The following SORT1 variants were observed in gnomAD, a reference collection of about 807,000 sequenced individuals.
The protein encoded by SORT1 is sortilin.
A neutral mutation model predicts 101.7 loss-of-function variants in SORT1; 39 were observed. That is an observed-to-expected ratio of 0.38 (90% CI 0.30 to 0.50). SORT1 has a LOEUF of 0.50. Ranked by LOEUF, SORT1 falls within the 20% of genes least tolerant of loss-of-function variation. SORT1 has a pLI of 0.90. For missense variants in SORT1, 878 were observed against 1,040.4 expected, an observed-to-expected ratio of 0.84 and a Z score of 2.15; for synonymous variants, 396 against 393.7, an observed-to-expected ratio of 1.01 and a Z score of -0.07.
At chr1:109,346,642 G>C (rs976223476) in intron 7 of SORT1, among the ~76,000 whole-genome samples, 2 of 151,748 alleles carry the variant, frequency 1.3e-5, no homozygotes, top group Admixed American at 6.6e-5. Flanking sequence ...CTACACAGGA[G>C]GCTGAGGCAG....
chr1:109,311,915 C>A lies in SORT1; in HGVS notation c.*2128G>T, dbSNP rs1246652324. 6.6e-6 allele frequency: 1 copy of A among 152,662 alleles called. No homozygotes were observed. Among genetic ancestry groups the A allele is most frequent in the Non-Finnish European group, 1.5e-5 (1 of 68,052 alleles). 9.5% of individuals were successfully genotyped at this position (152,662 alleles called of 1,614,324 possible). On this transcript the variant is annotated 3_prime_UTR_variant, in exon 20 of 20. Transcript: ENST00000256637. ...TCACACACACGGGGACCCTGAACAACTGACTCCATCCCAAGAACATTGTGA... is the reference window on the plus strand; with the variant it reads ...TCACACACACGGGGACCCTGAACAAATGACTCCATCCCAAGAACATTGTGA...
chr1:109,332,866 C>A (rs1648554257), intron 11 of SORT1, among the ~76,000 whole-genome samples: 1 of 152,188 alleles, frequency 6.6e-6, no homozygotes, highest in Admixed American at 6.5e-5. Context: ...GTGAAAAAGA[C>A]AGCCTCTTAA....
At chr1:109,341,906 C>A in intron 9 of SORT1, 108 bp downstream of exon 9, 2 of 1,026,176 alleles carry the variant, frequency 1.9e-6, no homozygotes, top group South Asian at 1.3e-5. Flanking sequence ...ATCAGTAGGG[C>A]ACTAATAAAT....
At chr1:109,375,036 C>T (rs1265509676) in intron 1 of SORT1, among the ~76,000 whole-genome samples, 1 of 152,086 alleles carries the variant, frequency 6.6e-6, no homozygotes, top group African/African-American at 2.4e-5. Flanking sequence ...GAGTGTGAAC[C>T]TGAAGCCATA....
chr1:109,381,944 T>C (rs1652268991), intron 1 of SORT1, among the ~76,000 whole-genome samples: 1 of 152,048 alleles, frequency 6.6e-6, no homozygotes, highest in Non-Finnish European at 1.5e-5. Context: ...ATTATAGAAT[T>C]GATAGGGGTG....
In SORT1 at chr1:109,311,399, A is replaced by C. The variant is rs1658723228; in HGVS notation, c.*2644T>G. 1 of 152,212 alleles carries C rather than the reference A, an allele frequency of 6.6e-6. No homozygotes were observed. Among genetic ancestry groups the C allele is most frequent in the African/African-American group, 2.4e-5 (1 of 41,454 alleles). The allele number at this position is 152,212 out of a possible 1,614,324, so 9.4% of individuals were successfully genotyped here. On this transcript the variant is annotated 3_prime_UTR_variant, in exon 20 of 20. Coordinates refer to ENST00000256637, the MANE Select transcript of SORT1 (RefSeq NM_002959.7). ...CATGAGTAGGACAAATTAGAAATCT[A>C]TTTTTTTAGAAGCTGTAACAGATTT...
At chr1:109,355,504 C>A in intron 3 of SORT1, 35 bp from the exon 4 acceptor site, 1 of 954,518 alleles carries the variant, frequency 1.0e-6, no homozygotes, top group East Asian at 2.4e-5. Context: ...ATTTAGGGTG[C>A]AGTGGTCATG....
intron 9 of SORT1, among the ~76,000 whole-genome samples, chr1:109,341,609 A>G (rs1649230676): frequency 6.6e-6 from 1 of 152,194 alleles, no homozygotes; most frequent in Non-Finnish European, 1.5e-5. Flanking sequence ...TCAGCCTCCC[A>G]AAGTGCCAGG....
rs751177552 is a variant in SORT1 at position 109,313,996 on chromosome 1, G to A, written c.*47C>T. The A allele has an allele frequency of 6.3e-7, 1 of 1,588,114 alleles. No individual in the cohort carries two copies. The highest frequency in any genetic ancestry group is 8.6e-7 in the Non-Finnish European group (1 of 1,156,714). The stretch of plus-strand genomic sequence containing the variant: ...AGTTGGAGCCACAGGGAGTGTAAGA[G>A]GTACTGTGGTTCCACCATCCATGCT... On this transcript the variant is annotated 3_prime_UTR_variant, in exon 20 of 20. Transcript: ENST00000256637.
At chr1:109,324,434 C>T (rs1051036681) in intron 14 of SORT1, among the ~76,000 whole-genome samples, 1 of 152,170 alleles carries the variant, frequency 6.6e-6, no homozygotes, top group Admixed American at 6.5e-5. Flanking sequence ...CCGCGCCTGG[C>T]CATTCCCCTT....
At chr1:109,341,920 TA>T in intron 9 of SORT1, 93 bp downstream of exon 9, 1 of 1,214,000 alleles carries the variant, frequency 8.2e-7, no homozygotes, top group South Asian at 1.2e-5. Flanking sequence ...AATAAATTTC[TA>T]GGGGTAAGAG....
Position 109,313,890 on chromosome 1 carries a change from C to G in SORT1, c.*153G>C. Reference sequence around the variant, plus strand: ...GGTTCCCCACCCCCACCCTGCATTTCTTTAGTGTAGGTCCTTTTGGCTTTG... The same window carrying G: ...GGTTCCCCACCCCCACCCTGCATTTGTTTAGTGTAGGTCCTTTTGGCTTTG... On this transcript the variant is annotated 3_prime_UTR_variant, in exon 20 of 20. Transcript: ENST00000256637. 1.0e-4 allele frequency: 41 copies of G among 394,914 alleles called. No homozygotes were observed. The highest frequency in any genetic ancestry group is 2.2e-4 in the East Asian group (4 of 18,230). 24.5% of individuals were successfully genotyped at this position (394,914 alleles called of 1,614,324 possible).
chr1:109,383,988 C>T (rs1034967689), intron 1 of SORT1, among the ~76,000 whole-genome samples: 4 of 152,150 alleles, frequency 2.6e-5, no homozygotes, highest in Admixed American at 1.3e-4. Flanking sequence ...ACATCATTAC[C>T]GAAGTGCGGG....
At chr1:109,356,566 A>T (rs995086447) in intron 3 of SORT1, among the ~76,000 whole-genome samples, 7 of 152,200 alleles carry the variant, frequency 4.6e-5, no homozygotes, top group African/African-American at 1.7e-4. Context: ...GCTTCTAACT[A>T]ATCTATTAAT....
chr1:109,340,656 C>T (rs771023938), intron 10 of SORT1, 68 bp downstream of exon 10: 193 of 1,516,598 alleles, frequency 1.3e-4, no homozygotes, highest in Non-Finnish European at 1.6e-4. Flanking sequence ...GGGACAGGTT[C>T]CCCGAAGCCT....
intron 1 of SORT1, among the ~76,000 whole-genome samples, chr1:109,387,100 G>A (rs528915352): frequency 6.6e-6 from 1 of 152,202 alleles, no homozygotes; most frequent in South Asian, 2.1e-4. Context: ...AGACCAGCCT[G>A]GCCAACATGG....
intron 3 of SORT1, among the ~76,000 whole-genome samples, chr1:109,358,437 G>A (rs530150212): frequency 2.6e-5 from 4 of 152,292 alleles, no homozygotes; most frequent in African/African-American, 4.8e-5. Flanking sequence ...GTCACGAAGA[G>A]GAAATTGATG....
chr1:109,356,802 T>C (rs1650356142), intron 3 of SORT1, among the ~76,000 whole-genome samples: 1 of 152,250 alleles, frequency 6.6e-6, no homozygotes, highest in Non-Finnish European at 1.5e-5. Context: ...GTTTAGATTC[T>C]GGAAAATAAA....
chr1:109,371,567 C>A (rs1651485480), intron 1 of SORT1, among the ~76,000 whole-genome samples: 1 of 152,172 alleles, frequency 6.6e-6, no homozygotes, highest in Admixed American at 6.5e-5. Flanking sequence ...AGTCTTGAGC[C>A]AATCAGGACT....
Sources: allele counts gnomAD v4.1 joint callset (sites outside exome capture counted in the v4.1 genomes callset), GRCh38; gene constraint gnomAD v4.1.1; transcripts MANE v1.5; gene names NCBI Gene and HGNC (gene_info 2026-07-23, HGNC 2026-07-21).